STMN2: variants seen among roughly 807,000 people sequenced by gnomAD.
STMN2 encodes stathmin-2.
A neutral mutation model predicts 24.1 loss-of-function variants in STMN2; 2 were observed. The ratio of observed to expected loss-of-function variants is 0.08; its 90% CI spans 0.03 to 0.26. The LOEUF is 0.26. STMN2 is among the 10% of genes least tolerant of loss of function. The pLI is 1.00. For synonymous variants in STMN2, 83 were observed against 77.5 expected (o/e 1.07, Z -0.37); for missense variants, 114 against 213.6 (o/e 0.53, Z 2.91).
At chr8:79,655,182 A>T in intron 4 of STMN2, 120 bp downstream of exon 4, 1 of 1,095,552 alleles carries the variant, frequency 9.1e-7, no homozygotes, top group Non-Finnish European at 1.3e-6. Context: ...AGGACAACTA[A>T]CTCCCATGGG....
chr8:79,628,604 C>G (rs1199051874), intron 1 of STMN2, among the ~76,000 whole-genome samples: 1 of 152,160 alleles, frequency 6.6e-6, no homozygotes, highest in Non-Finnish European at 1.5e-5. Context: ...CATTTCAACA[C>G]GTGTGAGATA....
chr8:79,663,633 G>A, intron 4 of STMN2: 1 of 1,530,802 alleles, frequency 6.5e-7, no homozygotes, highest in Non-Finnish European at 8.7e-7. Flanking sequence ...CTCAATTTCT[G>A]GAGCTTCAGA....
At chr8:79,652,557 G>A (rs1810356315) in intron 3 of STMN2, among the ~76,000 whole-genome samples, 1 of 151,952 alleles carries the variant, frequency 6.6e-6, no homozygotes. Flanking sequence ...TCACACACAT[G>A]AAATTGCCAA....
At chr8:79,615,823 C>T (rs1809370800) in intron 1 of STMN2, among the ~76,000 whole-genome samples, 1 of 152,136 alleles carries the variant, frequency 6.6e-6, no homozygotes, top group Non-Finnish European at 1.5e-5. Flanking sequence ...AGTAGATACA[C>T]GCCCTGGTTA....
At chr8:79,661,515 G>T (rs906262654) in intron 4 of STMN2, among the ~76,000 whole-genome samples, 5 of 151,982 alleles carry the variant, frequency 3.3e-5, no homozygotes, top group Admixed American at 6.6e-5. Context: ...TGTTGAACAT[G>T]TCTGATGAAC....
chr8:79,632,075 C>T (rs1809814043), intron 1 of STMN2, among the ~76,000 whole-genome samples: 1 of 152,188 alleles, frequency 6.6e-6, no homozygotes, highest in Non-Finnish European at 1.5e-5. Flanking sequence ...CTCCCATTAA[C>T]TGCTGTCCTT....
chr8:79,644,058 T>C (rs1301946367), intron 3 of STMN2, among the ~76,000 whole-genome samples: 1 of 152,204 alleles, frequency 6.6e-6, no homozygotes, highest in Non-Finnish European at 1.5e-5. Context: ...TTGATTTTAT[T>C]CTATTGGGTT....
chr8:79,648,135 G>A (rs182814196), intron 3 of STMN2, among the ~76,000 whole-genome samples: 11 of 152,326 alleles, frequency 7.2e-5, no homozygotes, highest in African/African-American at 2.4e-4. Flanking sequence ...ATGTGGTTAA[G>A]AGAATGTCTG....
intron 2 of STMN2, among the ~76,000 whole-genome samples, chr8:79,640,752 A>G (rs1332592809): frequency 1.3e-5 from 2 of 152,228 alleles, no homozygotes. Flanking sequence ...AACATACAGA[A>G]GGGCAAAACA....
chr8:79,613,596 G>A (rs1337958763), intron 1 of STMN2: 25 of 985,354 alleles, frequency 2.5e-5, no homozygotes, highest in Non-Finnish European at 3.0e-5. Context: ...GTCATCATCA[G>A]TATTATTATC....
At chr8:79,641,811 C>T (rs1361065734) in intron 3 of STMN2, among the ~76,000 whole-genome samples, 1 of 152,076 alleles carries the variant, frequency 6.6e-6, no homozygotes, top group East Asian at 1.9e-4. Context: ...TCTCAGAAAT[C>T]CAAAGAGCTT....
intron 1 of STMN2, among the ~76,000 whole-genome samples, chr8:79,626,498 C>T (rs527342111): frequency 6.6e-6 from 1 of 152,292 alleles, no homozygotes; most frequent in South Asian, 2.1e-4. Context: ...TATTCTTGCA[C>T]TTCAAAATGC....
chr8:79,653,234 G>C (rs1039549039), intron 3 of STMN2, among the ~76,000 whole-genome samples: 1 of 152,074 alleles, frequency 6.6e-6, no homozygotes, highest in Non-Finnish European at 1.5e-5. Flanking sequence ...AAAATTAGCA[G>C]GGTGTGGTAG....
At chr8:79,641,675 C>T (rs1807255820) in intron 3 of STMN2, 125 bp downstream of exon 3, 6 of 747,614 alleles carry the variant, frequency 8.0e-6, no homozygotes, top group Non-Finnish European at 1.2e-5. Flanking sequence ...CACACACATA[C>T]AGAGAGCAAT....
intron 3 of STMN2, among the ~76,000 whole-genome samples, chr8:79,643,966 T>G (rs1034973729): frequency 4.0e-4 from 44 of 109,130 alleles, no homozygotes; most frequent in African/African-American, 8.0e-4. Context: ...TTTTTTATGG[T>G]TTTTTTTTGT....
At chr8:79,618,805 A>G (rs1038427831) in intron 1 of STMN2, among the ~76,000 whole-genome samples, 2 of 152,160 alleles carry the variant, frequency 1.3e-5, no homozygotes, top group African/African-American at 4.8e-5. Flanking sequence ...TTCAGCCATC[A>G]TTTTGCTGGT....
intron 1 of STMN2, among the ~76,000 whole-genome samples, chr8:79,619,538 G>A (rs150120173): frequency 2.0e-5 from 3 of 152,200 alleles, no homozygotes; most frequent in African/African-American, 7.2e-5. Context: ...TTACAAAACT[G>A]AGACCAGAAA....
intron 1 of STMN2, among the ~76,000 whole-genome samples, chr8:79,624,473 A>G (rs1483169695): frequency 1.3e-5 from 2 of 148,638 alleles, no homozygotes; most frequent in African/African-American, 2.5e-5. Flanking sequence ...AAAAAAAAAA[A>G]AAAAAGAAAG....
At chr8:79,613,013 G>GC (rs1281388088) in intron 1 of STMN2, among the ~76,000 whole-genome samples, 1 of 151,928 alleles carries the variant, frequency 6.6e-6, no homozygotes, top group African/African-American at 2.4e-5. Context: ...CTCGAGCCCC[G>GC]CCCGGCCACA....
Sources: gnomAD v4.1 joint callset for allele counts (sites outside exome capture counted in the v4.1 genomes callset) on GRCh38, gnomAD v4.1.1 for gene constraint, MANE v1.5 for transcripts, NCBI Gene and HGNC (gene_info 2026-07-23, HGNC 2026-07-21) for gene names.